The following FAM161A variants were observed in gnomAD, a reference collection of about 807,000 sequenced individuals.
FAM161A encodes protein FAM161A.
In FAM161A, 57 loss-of-function variants were observed where a neutral mutation model predicts 70.9. That is an observed-to-expected ratio of 0.80 (90% confidence interval 0.65 to 1.00). FAM161A has a LOEUF of 1.00. Ranked by LOEUF, FAM161A falls within the 50% of genes least tolerant of loss-of-function variation. The probability of loss-of-function intolerance (pLI) is 0.00; values close to 1 mark genes in which losing one functional copy is unlikely to be tolerated. For synonymous variants in FAM161A, 299 were observed against 295.7 expected (o/e 1.01, Z -0.12); for missense variants, 880 against 836.0 (o/e 1.05, Z -0.65).
chr2:61,830,939 T>C (rs1672548782), intron 5 of FAM161A, among the ~76,000 whole-genome samples: 1 of 151,392 alleles, frequency 6.6e-6, no homozygotes, highest in African/African-American at 2.4e-5. Context: ...TGAAACTTCG[T>C]CTTGACTAAA....
At chr2:61,816,387 G>A in the FAM161A span, among the ~76,000 whole-genome samples, 4 of 152,120 alleles carry the variant, frequency 2.6e-5, no homozygotes, top group Non-Finnish European at 4.4e-5. Context: ...TTGACACTGG[G>A]GGAAATGGTG....
rs779296159 is a variant in FAM161A at position 61,836,107 on chromosome 2, T to C, written c.1754A>G (p.Lys585Arg). The C allele has an allele frequency of 5.6e-6, 9 of 1,599,732 alleles. No homozygotes were observed. Among genetic ancestry groups the C allele is most frequent in the African/African-American group, 1.3e-5 (1 of 74,374 alleles). Residue 585 changes from lysine (K) to arginine (R), a missense_variant and splice_region_variant, in exon 5 of 7, where the codon AAG (lysine) becomes AGG (arginine). Coordinates refer to ENST00000404929, the MANE Select transcript of FAM161A (RefSeq NM_001201543.2). ...TTCTCTCATCCTTTCCTTTTCGCTC[T>C]TTCTAAAATTAAAGAAAAGCAATGG... ...ISKSRVKCLR[K>R]SEKERMREYQ... is the part of the protein sequence containing the mutation.
chr2:61,846,175 A>T (rs1673207248), intron 1 of FAM161A, among the ~76,000 whole-genome samples: 1 of 151,812 alleles, frequency 6.6e-6, no homozygotes, highest in South Asian at 2.1e-4. Flanking sequence ...TACCCTAGGC[A>T]AAGGAAATGG....
In FAM161A at chr2:61,853,956, T is replaced by C. The variant is rs763794474; in HGVS notation, c.86A>G (p.Gln29Arg). 28 of 1,613,928 alleles carry C rather than the reference T, an allele frequency of 1.7e-5. 1 individual carries two copies. The African/African-American group carries it at 3.3e-4, about 19-fold the overall frequency. ...CTTTAAGGGGTCTTCGCGTTCGTAC[T>C]GGGCGACCCGCGCTCCAGTGATGGG... ...VNPITGARVA[Q>R]YEREDPLKAL... Residue 29 changes from glutamine (Q) to arginine (R), a missense_variant, in exon 1 of 7, where the codon CAG becomes CGG. Transcript: ENST00000404929.
chr2:61,836,919 G>A (rs1422898106), intron 4 of FAM161A: 4 of 186,556 alleles, frequency 2.1e-5, no homozygotes, highest in Non-Finnish European at 4.9e-5. Flanking sequence ...AGGCTGGAGT[G>A]CAGTGGTGCA....
At chr2:61,850,585 T>A (rs1205614164) in intron 1 of FAM161A, among the ~76,000 whole-genome samples, 1 of 151,326 alleles carries the variant, frequency 6.6e-6, no homozygotes, top group Non-Finnish European at 1.5e-5. Flanking sequence ...AAACTCTGTC[T>A]CTACAAAAAA....
downstream of FAM161A, chr2:61,820,308 G>T (rs1672176521): frequency 2.7e-6 from 2 of 730,940 alleles, no homozygotes; most frequent in African/African-American, 3.4e-5. Context: ...CTGAGCAATG[G>T]GGAATGCTCA....
Position 61,825,081 on chromosome 2 carries a change from C to T in FAM161A, c.*1374G>A, listed in dbSNP as rs1672299520. ...ATTTTTAAATTTAAAGCATAAATTG[C>T]CAGTTTGGAAACACTGCTATTACAT... On this transcript the variant is annotated 3_prime_UTR_variant, in exon 7 of 7. Transcript: ENST00000404929. 2.2e-6 allele frequency: 1 copy of T among 453,558 alleles called. No individual in the cohort carries two copies. The highest frequency in any genetic ancestry group is 4.4e-6 in the Non-Finnish European group (1 of 226,678). The allele number at this position is 453,558 out of a possible 1,614,324, so 28.1% of individuals were successfully genotyped here. A position where few individuals can be genotyped will look rare whatever the true frequency, so the allele number is the denominator to read the frequency against.
At chr2:61,834,590 G>GCC (rs1558479108) in intron 5 of FAM161A, among the ~76,000 whole-genome samples, 1 of 151,766 alleles carries the variant, frequency 6.6e-6, no homozygotes, top group Non-Finnish European at 1.5e-5. Flanking sequence ...AGCCTCCCAA[G>GCC]TAGTTGGGAC....
intron 1 of FAM161A, 141 bp downstream of exon 1, chr2:61,853,717 TG>T: frequency 1.2e-6 from 1 of 828,612 alleles, no homozygotes; most frequent in Non-Finnish European, 1.9e-6. Context: ...GAGAAGGGGC[TG>T]GGCCAGGACC....
the FAM161A span, among the ~76,000 whole-genome samples, chr2:61,816,607 A>G: frequency 1.3e-5 from 2 of 151,956 alleles, no homozygotes; most frequent in African/African-American, 2.4e-5. Flanking sequence ...CCACAGACAC[A>G]CACCACTAGA....
Position 61,836,123 on chromosome 2 carries a change from A to T in FAM161A, c.1752-14T>A. 2 of 1,553,370 alleles carry T rather than the reference A, an allele frequency of 1.3e-6. No homozygotes were observed. The highest frequency in any genetic ancestry group is 1.8e-6 in the Non-Finnish European group (2 of 1,128,226). ...TTTTCGCTCTTTCTAAAATTAAAGA[A>T]AAGCAATGGAATTTTAAAAGATCAT... On this transcript the variant is annotated splice_polypyrimidine_tract_variant and intron_variant, in intron 4 of 6. Coordinates refer to ENST00000404929, the MANE Select transcript of FAM161A (RefSeq NM_001201543.2).
chr2:61,805,218 G>T, the FAM161A span, among the ~76,000 whole-genome samples: 1 of 152,120 alleles, frequency 6.6e-6, no homozygotes, highest in Non-Finnish European at 1.5e-5. Flanking sequence ...CCAGCATATA[G>T]CCTCCATGTA....
chr2:61,824,473 T>C (rs969563108), downstream of FAM161A, among the ~76,000 whole-genome samples: 8 of 152,204 alleles, frequency 5.3e-5, no homozygotes, highest in African/African-American at 1.9e-4. Flanking sequence ...GTATTTTAAG[T>C]TAACAGTTTC....
At chr2:61,838,783 T>G (rs889409360) in intron 3 of FAM161A, 78 bp from the exon 4 acceptor site, 2 of 1,094,618 alleles carry the variant, frequency 1.8e-6, no homozygotes, top group African/African-American at 3.2e-5. Flanking sequence ...CATGGGATAA[T>G]TTGAATTTTG....
the FAM161A span, among the ~76,000 whole-genome samples, chr2:61,800,803 G>A: frequency 1.3e-5 from 2 of 152,092 alleles, no homozygotes; most frequent in Non-Finnish European, 2.9e-5. Flanking sequence ...TTATAAATCT[G>A]ATATTTATTT....
chr2:61,838,153 T>G (rs1437257235), intron 4 of FAM161A, among the ~76,000 whole-genome samples: 1 of 152,266 alleles, frequency 6.6e-6, no homozygotes, highest in East Asian at 1.9e-4. Flanking sequence ...TAACCGATGT[T>G]TAACGTGTTA....
At chr2:61,839,389 G>A (rs1558482800) in intron 3 of FAM161A, 32 bp downstream of exon 3, 1 of 1,607,674 alleles carries the variant, frequency 6.2e-7, no homozygotes, top group Admixed American at 1.7e-5. Flanking sequence ...TGGCAACCAT[G>A]AGTCAGTCAG....
At chr2:61,840,680 T>C in intron 2 of FAM161A, 99 bp from the exon 3 acceptor site, 2 of 934,512 alleles carry the variant, frequency 2.1e-6, no homozygotes, top group South Asian at 1.5e-5. Context: ...AGACAGAGTC[T>C]CACTCTGTTG....
Sources: allele counts gnomAD v4.1 joint callset (sites outside exome capture counted in the v4.1 genomes callset), GRCh38; gene constraint gnomAD v4.1.1; transcripts MANE v1.5; gene names NCBI Gene and HGNC (gene_info 2026-07-23, HGNC 2026-07-21).